METTL25: variants seen among roughly 807,000 people sequenced by gnomAD.
METTL25 encodes methyltransferase like 25, also known as probable methyltransferase-like protein 25.
A neutral mutation model predicts 71.6 loss-of-function variants in METTL25; 64 were observed. That is an observed-to-expected ratio of 0.89 (90% CI 0.73 to 1.10). METTL25 has a LOEUF of 1.10. METTL25 is among the 50% of genes least tolerant of loss of function. The pLI is 0.00. For missense variants in METTL25, 807 were observed against 707.0 expected, an observed-to-expected ratio of 1.14 and a Z score of -1.60; for synonymous variants, 287 against 250.3, an observed-to-expected ratio of 1.15 and a Z score of -1.38.
At position 82,405,848 on chromosome 12, in the gene METTL25, G is replaced by A. The variant is rs191265818; in HGVS notation, c.1279+2718G>A. Reference sequence around the variant, plus strand: ...CAGTACTAAGCACATTCACTCAAACGTGATTGAATAGATGAATGTTTGTAT... The same window carrying A: ...CAGTACTAAGCACATTCACTCAAACATGATTGAATAGATGAATGTTTGTAT... On this transcript the variant is annotated intron_variant, in intron 5 of 11. Transcript: ENST00000248306. 2.9e-4 allele frequency among the ~76,000 whole-genome samples: 44 copies of A among 152,260 alleles called. No individual in the cohort carries two copies. The East Asian group carries it at 3.7e-3, about 13-fold the overall frequency.
chr12:82,362,614 C>T (rs1262087276), intron 1 of METTL25, among the ~76,000 whole-genome samples: 1 of 152,104 alleles, frequency 6.6e-6, no homozygotes, highest in Non-Finnish European at 1.5e-5. Flanking sequence ...AGGCTGTACT[C>T]AGTATTTGGC....
chr12:82,444,503 G>A (rs185527215), intron 8 of METTL25, among the ~76,000 whole-genome samples: 4 of 152,200 alleles, frequency 2.6e-5, no homozygotes, highest in East Asian at 3.9e-4. Flanking sequence ...ACAAAATTCC[G>A]AAGACTCTTA....
At chr12:82,420,702 G>A (rs137921226) in intron 5 of METTL25, among the ~76,000 whole-genome samples, 183 of 152,234 alleles carry the variant, frequency 1.2e-3, no homozygotes, top group African/African-American at 4.4e-3. Flanking sequence ...CAAATGAAGT[G>A]TGAAATGAAG....
chr12:82,453,080 A>G (rs1891259205), intron 8 of METTL25, among the ~76,000 whole-genome samples: 1 of 152,180 alleles, frequency 6.6e-6, no homozygotes, highest in Admixed American at 6.6e-5. Flanking sequence ...AATCATAAAC[A>G]TACTTCCTGG....
intron 9 of METTL25, among the ~76,000 whole-genome samples, chr12:82,467,021 G>A (rs1434645615): frequency 1.3e-5 from 2 of 151,858 alleles, no homozygotes; most frequent in African/African-American, 4.8e-5. Context: ...ACAGGTGTGG[G>A]CTACCACATC....
chr12:82,471,692 T>TA (rs1297802769), intron 9 of METTL25, among the ~76,000 whole-genome samples: 5 of 152,262 alleles, frequency 3.3e-5, no homozygotes, highest in African/African-American at 4.8e-5. Flanking sequence ...AATAAAATGT[T>TA]ACTTGTGAAA....
chr12:82,423,820 T>A lies in METTL25; in HGVS notation c.1280-7073T>A, dbSNP rs1209037109. Among the ~76,000 whole-genome samples the A allele has an allele frequency of 5.9e-5, 9 of 152,180 alleles. No individual in the cohort carries two copies. The East Asian group carries it at 1.7e-3, about 29-fold the overall frequency. On this transcript the variant is annotated intron_variant, in intron 5 of 11. Transcript: ENST00000248306. ...TCACTGGCCATCCGATAAATGCAAATCAAAACCACAATGAGATATCATCTC... is the reference window on the plus strand; with the variant it reads ...TCACTGGCCATCCGATAAATGCAAAACAAAACCACAATGAGATATCATCTC...
At chr12:82,456,936 C>G in intron 9 of METTL25, 116 bp downstream of exon 9, 2 of 440,172 alleles carry the variant, frequency 4.5e-6, no homozygotes, top group Middle Eastern at 6.1e-4. Flanking sequence ...GTGAAAAGGT[C>G]CAAATTATAT....
intron 1 of METTL25, among the ~76,000 whole-genome samples, chr12:82,372,353 C>G (rs915970902): frequency 6.6e-6 from 1 of 152,050 alleles, no homozygotes; most frequent in Non-Finnish European, 1.5e-5. Flanking sequence ...TTGCTTGTTT[C>G]CTTCTGGGCA....
At chr12:82,416,607 A>G (rs1051309330) in intron 5 of METTL25, among the ~76,000 whole-genome samples, 3 of 150,984 alleles carry the variant, frequency 2.0e-5, no homozygotes, top group African/African-American at 7.3e-5. Flanking sequence ...CACCTGGTCA[A>G]TTTTTGCTTT....
Position 82,358,557 on chromosome 12 carries a change from G to C in METTL25, c.-9G>C. ...TTTGCGCCACCTACAGCCTCGGAGG[G>C]TGAGCGTCATGGCGGCTTCTTGCCC... On this transcript the variant is annotated 5_prime_UTR_variant, in exon 1 of 12. Coordinates refer to ENST00000248306, the MANE Select transcript of METTL25 (RefSeq NM_032230.3). 1 of 1,608,892 alleles carries C rather than the reference G, an allele frequency of 6.2e-7. No homozygotes were observed.
intron 1 of METTL25, among the ~76,000 whole-genome samples, chr12:82,370,482 C>G (rs1018219882): frequency 5.3e-5 from 8 of 152,078 alleles, no homozygotes; most frequent in African/African-American, 1.7e-4. Flanking sequence ...TCATACTATC[C>G]CTGACTGGTT....
intron 3 of METTL25, among the ~76,000 whole-genome samples, chr12:82,392,208 A>C: frequency 6.7e-6 from 1 of 149,088 alleles, no homozygotes; most frequent in African/African-American, 2.5e-5. Context: ...GCACCCACTA[A>C]CTCGTCATCT....
At chr12:82,414,031 ATTAG>A (rs1448130552) in intron 5 of METTL25, among the ~76,000 whole-genome samples, 3 of 151,804 alleles carry the variant, frequency 2.0e-5, no homozygotes, top group African/African-American at 7.2e-5. Flanking sequence ...TTAATAGTGT[ATTAG>A]TTTGTTCAGT....
At chr12:82,415,676 G>A (rs1255857105) in intron 5 of METTL25, among the ~76,000 whole-genome samples, 1 of 152,076 alleles carries the variant, frequency 6.6e-6, no homozygotes, top group Non-Finnish European at 1.5e-5. Context: ...GGTAGTGAGG[G>A]AAAGAATTCA....
chr12:82,455,542 A>C (rs1198955687), intron 8 of METTL25, among the ~76,000 whole-genome samples: 1 of 151,988 alleles, frequency 6.6e-6, no homozygotes, highest in African/African-American at 2.4e-5. Context: ...AAGAACATGT[A>C]CATTTACACT....
At chr12:82,377,473 CAGCTT>C (rs1280741895) in intron 1 of METTL25, among the ~76,000 whole-genome samples, 10 of 152,174 alleles carry the variant, frequency 6.6e-5, no homozygotes, top group Admixed American at 2.6e-4. Context: ...CTAAAAAACT[CAGCTT>C]AGTAATTAAA....
At chr12:82,408,368 C>T (rs1481570775) in intron 5 of METTL25, among the ~76,000 whole-genome samples, 1 of 151,692 alleles carries the variant, frequency 6.6e-6, no homozygotes, top group African/African-American at 2.4e-5. Flanking sequence ...AGTAACTAGA[C>T]CAAAACAAAG....
chr12:82,452,247 C>T (rs923388881), intron 8 of METTL25, among the ~76,000 whole-genome samples: 10 of 152,158 alleles, frequency 6.6e-5, no homozygotes, highest in Non-Finnish European at 8.8e-5. Flanking sequence ...ATAACACACC[C>T]CATATTCCTT....
Sources: allele counts gnomAD v4.1 joint callset (sites outside exome capture counted in the v4.1 genomes callset), GRCh38; gene constraint gnomAD v4.1.1; transcripts MANE v1.5; gene names NCBI Gene and HGNC (gene_info 2026-07-23, HGNC 2026-07-21).